DMRT1: variants seen among roughly 807,000 people sequenced by gnomAD.
DMRT1 encodes the protein doublesex and mab-3 related transcription factor 1, also known as doublesex- and mab-3-related transcription factor 1.
A neutral mutation model predicts 32.3 loss-of-function variants in DMRT1; 7 were observed. The observed-to-expected ratio is 0.22, with a 90% confidence interval of 0.12 to 0.41. The LOEUF (loss-of-function observed/expected upper bound fraction) is 0.41. Ranked by LOEUF, DMRT1 falls within the 10% of genes least tolerant of loss-of-function variation. DMRT1 has a pLI of 1.00. For synonymous variants in DMRT1, 278 were observed against 206.1 expected (o/e 1.35, Z -2.99); for missense variants, 625 against 500.5 (o/e 1.25, Z -2.37).
chr9:861,295 T>C (rs1299324162), intron 2 of DMRT1, among the ~76,000 whole-genome samples: 1 of 152,146 alleles, frequency 6.6e-6, no homozygotes, highest in Non-Finnish European at 1.5e-5. Flanking sequence ...CCTTCAAGTA[T>C]CTGTTTAACA....
chr9:882,760 CTTTTTTTTTT>C (rs1010078425), intron 2 of DMRT1, among the ~76,000 whole-genome samples: 1 of 118,338 alleles, frequency 8.5e-6, no homozygotes, highest in Non-Finnish European at 1.7e-5. Flanking sequence ...TCCCCTGAAT[CTTTTTTTTTT>C]TTTTTTTTTG....
At chr9:911,470 ATTTTTTT>A (rs201141931) in intron 3 of DMRT1, among the ~76,000 whole-genome samples, 380 of 66,948 alleles carry the variant, frequency 5.7e-3, no homozygotes, top group Non-Finnish European at 0.01. Context: ...GGTTAATTGC[ATTTTTTT>A]TTTTTTTTTT....
intron 2 of DMRT1, among the ~76,000 whole-genome samples, chr9:866,831 C>G (rs1816014023): frequency 6.6e-6 from 1 of 152,154 alleles, no homozygotes; most frequent in African/African-American, 2.4e-5. Flanking sequence ...CCCTCTCCCT[C>G]AATTTTTATC....
At chr9:948,757 C>G (rs1029847451) in intron 4 of DMRT1, among the ~76,000 whole-genome samples, 1 of 151,982 alleles carries the variant, frequency 6.6e-6, no homozygotes, top group Non-Finnish European at 1.5e-5. Flanking sequence ...TAAAGTCTCT[C>G]CCTTTAAAAA....
intron 2 of DMRT1, among the ~76,000 whole-genome samples, chr9:865,061 C>G (rs1564207193): frequency 6.6e-6 from 1 of 152,150 alleles, no homozygotes; most frequent in Non-Finnish European, 1.5e-5. Context: ...TGCACGTTAC[C>G]TTCAGCTATC....
intron 2 of DMRT1, among the ~76,000 whole-genome samples, chr9:865,614 T>G (rs1475634565): frequency 6.6e-6 from 1 of 152,054 alleles, no homozygotes; most frequent in African/African-American, 2.4e-5. Flanking sequence ...TAAACAAGTT[T>G]TTGCAAAAAT....
chr9:880,708 C>T (rs1816696396), intron 2 of DMRT1, among the ~76,000 whole-genome samples: 1 of 123,870 alleles, frequency 8.1e-6, no homozygotes. Context: ...CCTGGGCAAC[C>T]AGCAAAACTC....
At chr9:843,661 G>C (rs1838786046) in intron 1 of DMRT1, among the ~76,000 whole-genome samples, 2 of 152,154 alleles carry the variant, frequency 1.3e-5, no homozygotes, top group Admixed American at 6.5e-5. Context: ...CCAGTTAAAA[G>C]TTGTTTCATC....
At chr9:856,305 A>G (rs1448082253) in intron 2 of DMRT1, among the ~76,000 whole-genome samples, 1 of 152,212 alleles carries the variant, frequency 6.6e-6, no homozygotes, top group Non-Finnish European at 1.5e-5. Context: ...ATTTGTCTCA[A>G]GTGTACAATT....
chr9:856,336 A>C (rs1339100815), intron 2 of DMRT1, among the ~76,000 whole-genome samples: 1 of 152,184 alleles, frequency 6.6e-6, no homozygotes. Flanking sequence ...TAGTAAATTC[A>C]CAGGGTTGTA....
At chr9:950,885 C>T (rs972588935) in intron 4 of DMRT1, among the ~76,000 whole-genome samples, 9 of 152,116 alleles carry the variant, frequency 5.9e-5, no homozygotes, top group African/African-American at 9.7e-5. Context: ...AAAAATGTTT[C>T]GTCCTTTATT....
chr9:910,245 G>A (rs1384683804), intron 3 of DMRT1, among the ~76,000 whole-genome samples: 1 of 151,692 alleles, frequency 6.6e-6, no homozygotes, highest in African/African-American at 2.4e-5. Flanking sequence ...TTTAATAAAT[G>A]TGAGCACAGG....
intron 4 of DMRT1, among the ~76,000 whole-genome samples, chr9:929,515 A>T (rs1818637495): frequency 6.6e-6 from 1 of 152,060 alleles, no homozygotes; most frequent in Admixed American, 6.6e-5. Flanking sequence ...ATTGTAGTTT[A>T]TCCTTGAACA....
chr9:939,013 C>G (rs1309508579), intron 4 of DMRT1, among the ~76,000 whole-genome samples: 1 of 152,148 alleles, frequency 6.6e-6, no homozygotes, highest in Non-Finnish European at 1.5e-5. Context: ...TGTAACCCAC[C>G]CCTGCCTTCA....
chr9:940,137 G>A (rs968799886), intron 4 of DMRT1, among the ~76,000 whole-genome samples: 4 of 152,014 alleles, frequency 2.6e-5, no homozygotes, highest in African/African-American at 9.7e-5. Context: ...TGCTGACACT[G>A]TGGAAACCAG....
chr9:930,598 C>CG (rs1818687424), intron 4 of DMRT1, among the ~76,000 whole-genome samples: 1 of 151,934 alleles, frequency 6.6e-6, no homozygotes, highest in Non-Finnish European at 1.5e-5. Context: ...TTAGTAGAGA[C>CG]AGGGTTTCAC....
At chr9:862,661 G>A (rs951582033) in intron 2 of DMRT1, among the ~76,000 whole-genome samples, 1 of 152,180 alleles carries the variant, frequency 6.6e-6, no homozygotes, top group African/African-American at 2.4e-5. Flanking sequence ...TGCTTAGGCT[G>A]GGGTGGTGGC....
chr9:923,513 T>C (rs1470831561), intron 4 of DMRT1, among the ~76,000 whole-genome samples: 1 of 152,104 alleles, frequency 6.6e-6, no homozygotes, highest in African/African-American at 2.4e-5. Flanking sequence ...GCAAACAAGC[T>C]CAATAATCAC....
At chr9:909,544 C>G (rs1817897861) in intron 3 of DMRT1, among the ~76,000 whole-genome samples, 1 of 152,084 alleles carries the variant, frequency 6.6e-6, no homozygotes, top group Non-Finnish European at 1.5e-5. Context: ...GGGTAAAAGT[C>G]AACCCCAGCC....
Sources: gnomAD v4.1 joint callset for allele counts (sites outside exome capture counted in the v4.1 genomes callset) on GRCh38, gnomAD v4.1.1 for gene constraint, MANE v1.5 for transcripts, NCBI Gene and HGNC (gene_info 2026-07-23, HGNC 2026-07-21) for gene names.